PKHD1: variants seen among roughly 807,000 people sequenced by gnomAD.
The protein encoded by PKHD1 is fibrocystin.
A neutral mutation model predicts 412.0 loss-of-function variants in PKHD1; 291 were observed. The ratio of observed to expected loss-of-function variants is 0.71; its 90% confidence interval spans 0.64 to 0.78. The LOEUF (loss-of-function observed/expected upper bound fraction) is 0.78. Ranked by LOEUF, PKHD1 falls within the 30% of genes least tolerant of loss-of-function variation. The probability of loss-of-function intolerance (pLI) is 0.00; values close to 1 mark genes in which losing one functional copy is unlikely to be tolerated. For missense variants in PKHD1, 4,825 were observed against 4,950.7 expected, an observed-to-expected ratio of 0.97 and a Z score of 0.76; for synonymous variants, 1,777 against 1,821.5, an observed-to-expected ratio of 0.98 and a Z score of 0.62.
intron 35 of PKHD1, among the ~76,000 whole-genome samples, chr6:51,999,066 G>A (rs1190051869): frequency 2.0e-5 from 3 of 152,172 alleles, no homozygotes; most frequent in Non-Finnish European, 4.4e-5. Flanking sequence ...GAGGAGTTGT[G>A]CCTACACACC....
chr6:51,808,262 C>A (rs915602337), intron 52 of PKHD1, among the ~76,000 whole-genome samples: 4 of 151,772 alleles, frequency 2.6e-5, no homozygotes, highest in African/African-American at 9.7e-5. Flanking sequence ...TTAATTTTTG[C>A]ATATGCAGCA....
intron 5 of PKHD1, 92 bp from the exon 6 acceptor site, chr6:52,076,425 A>C (rs1811338208): frequency 1.1e-6 from 1 of 899,156 alleles, no homozygotes; most frequent in Non-Finnish European, 1.9e-6. Flanking sequence ...CATTACTTGA[A>C]GGTAATAAAT....
chr6:52,070,078 A>T (rs973951512), intron 10 of PKHD1, among the ~76,000 whole-genome samples: 1 of 152,222 alleles, frequency 6.6e-6, no homozygotes, highest in Non-Finnish European at 1.5e-5. Context: ...CCTAGATGGT[A>T]CAATGTATTT....
intron 35 of PKHD1, among the ~76,000 whole-genome samples, chr6:51,994,165 C>G (rs1440641326): frequency 1.3e-5 from 2 of 148,248 alleles, no homozygotes; most frequent in African/African-American, 4.9e-5. Context: ...GACACAGTCT[C>G]GCTCTTTCGC....
chr6:51,945,701 T>C (rs12194995), intron 36 of PKHD1, among the ~76,000 whole-genome samples: 20,835 of 152,238 alleles, frequency 0.14, 1,848 homozygotes, highest in Non-Finnish European at 0.2. Flanking sequence ...TCTGTAGATA[T>C]ATTGTCTAAA....
At position 52,070,347 on chromosome 6, in the gene PKHD1, G is replaced by A. The variant is rs1319504615; in HGVS notation, c.707+59C>T. The A allele has an allele frequency of 8.0e-6, 8 of 1,004,950 alleles. No homozygotes were observed. In the South Asian group the frequency reaches 8.9e-5, roughly 11 times the overall value. 62.3% of individuals were successfully genotyped at this position (1,004,950 alleles called of 1,614,324 possible). ...AAGATAAAGAAAGTAAGCAAGATGAGAGAGATAGGTAATATAAAATGAAGA... is the reference window on the plus strand; with the variant it reads ...AAGATAAAGAAAGTAAGCAAGATGAAAGAGATAGGTAATATAAAATGAAGA... On this transcript the variant is annotated intron_variant, in intron 10 of 66. Transcript: ENST00000371117.
chr6:51,661,701 T>C (rs1158439293), intron 60 of PKHD1, among the ~76,000 whole-genome samples: 1 of 152,142 alleles, frequency 6.6e-6, no homozygotes, highest in East Asian at 1.9e-4. Flanking sequence ...AGAATAGTTC[T>C]TGTTTTGAAT....
At chr6:51,931,483 C>T (rs1786575148) in intron 37 of PKHD1, among the ~76,000 whole-genome samples, 1 of 152,170 alleles carries the variant, frequency 6.6e-6, no homozygotes, top group African/African-American at 2.4e-5. Context: ...GATATACCAC[C>T]ACGCTGGAGG....
At chr6:51,792,059 T>C (rs1195621282) in intron 52 of PKHD1, among the ~76,000 whole-genome samples, 1 of 152,198 alleles carries the variant, frequency 6.6e-6, no homozygotes, top group Non-Finnish European at 1.5e-5. Flanking sequence ...TAGCTTCCCA[T>C]GCTTATAGTG....
chr6:51,956,616 A>T (rs1360866913), intron 36 of PKHD1, among the ~76,000 whole-genome samples: 1 of 152,070 alleles, frequency 6.6e-6, no homozygotes, highest in Non-Finnish European at 1.5e-5. Flanking sequence ...TTGATAATAT[A>T]CCATGTGATG....
chr6:52,086,177 G>A (rs1812758335), intron 1 of PKHD1, among the ~76,000 whole-genome samples: 1 of 150,736 alleles, frequency 6.6e-6, no homozygotes, highest in African/African-American at 2.4e-5. Flanking sequence ...GTGGCATGAT[G>A]TCAGTTCACT....
intron 37 of PKHD1, among the ~76,000 whole-genome samples, chr6:51,919,661 T>G (rs1238779357): frequency 6.6e-6 from 1 of 152,260 alleles, no homozygotes; most frequent in Non-Finnish European, 1.5e-5. Flanking sequence ...TCCAATTCTG[T>G]GAAGAAAGTC....
intron 37 of PKHD1, among the ~76,000 whole-genome samples, chr6:51,928,575 C>T (rs972447498): frequency 1.3e-5 from 2 of 152,014 alleles, no homozygotes; most frequent in Middle Eastern, 3.4e-3. Flanking sequence ...AGTCAGAGTG[C>T]ACTTTCCCCC....
intron 60 of PKHD1, among the ~76,000 whole-genome samples, chr6:51,730,270 A>T (rs1394602103): frequency 6.6e-6 from 1 of 152,084 alleles, no homozygotes; most frequent in Admixed American, 6.6e-5. Flanking sequence ...CTAGATTTTG[A>T]TTCATGCAAA....
intron 66 of PKHD1, among the ~76,000 whole-genome samples, chr6:51,623,086 T>C (rs1766829809): frequency 1.3e-5 from 2 of 152,134 alleles, no homozygotes; most frequent in Admixed American, 1.3e-4. Flanking sequence ...ATAAAATCTA[T>C]TTATTTTAGA....
chr6:51,889,650 G>A (rs1778802517), intron 43 of PKHD1, among the ~76,000 whole-genome samples: 1 of 152,188 alleles, frequency 6.6e-6, no homozygotes, highest in South Asian at 2.1e-4. Flanking sequence ...AGGAAGGGAT[G>A]AGGGACAGTA....
intron 37 of PKHD1, among the ~76,000 whole-genome samples, chr6:51,916,605 C>T (rs1030751992): frequency 2.6e-5 from 4 of 152,108 alleles, no homozygotes; most frequent in Non-Finnish European, 5.9e-5. Context: ...AAATTATACT[C>T]ATTACTTCAT....
intron 60 of PKHD1, among the ~76,000 whole-genome samples, chr6:51,741,751 T>C (rs1397551821): frequency 6.6e-6 from 1 of 152,210 alleles, no homozygotes; most frequent in Non-Finnish European, 1.5e-5. Context: ...TTTTATAGGA[T>C]CGCCCCCCAT....
rs1231391714 is a variant in PKHD1 at position 51,975,963 on chromosome 6, T to TGAAAAAAAAAAAAAAAAAAAAAAAAAA, written c.5752-15938_5752-15937insTTTTTTTTTTTTTTTTTTTTTTTTTTC. 2 of 69,766 alleles carry TGAAAAAAAAAAAAAAAAAAAAAAAAAA rather than the reference T, an allele frequency of 2.9e-5. 1 individual carries two copies. Among genetic ancestry groups the TGAAAAAAAAAAAAAAAAAAAAAAAAAA allele is most frequent in the African/African-American group, 1.1e-4 (2 of 18,476 alleles). The allele number at this position is 69,766 out of a possible 1,614,324, so 4.3% of individuals were successfully genotyped here. ...AACATAGCGAGACCCTTTCTCTAATTAAAAAAAAAAAAAAAAAAAAAAAAA... is the reference window on the plus strand; with the variant it reads ...AACATAGCGAGACCCTTTCTCTAATTGAAAAAAAAAAAAAAAAAAAAAAAAAAAAAAAAAAAAAAAAAAAAAAAAAAA... On this transcript the variant is annotated intron_variant, in intron 35 of 66. Transcript: ENST00000371117.
Sources: allele counts gnomAD v4.1 joint callset (sites outside exome capture counted in the v4.1 genomes callset), GRCh38; gene constraint gnomAD v4.1.1; transcripts MANE v1.5; gene names NCBI Gene and HGNC (gene_info 2026-07-23, HGNC 2026-07-21).